NME7: variants seen among roughly 807,000 people sequenced by gnomAD.
The protein encoded by NME7 is nucleoside diphosphate kinase 7.
A neutral mutation model predicts 49.1 loss-of-function variants in NME7; 41 were observed. The ratio of observed to expected loss-of-function variants is 0.83; its 90% CI spans 0.65 to 1.08. The LOEUF (loss-of-function observed/expected upper bound fraction) is 1.08, where lower values mean the gene tolerates loss of function less well. Ranked by LOEUF, NME7 falls within the 50% of genes least tolerant of loss-of-function variation. The probability of loss-of-function intolerance (pLI) is 0.00; values close to 1 mark genes in which losing one functional copy is unlikely to be tolerated. For synonymous variants in NME7, 139 were observed against 150.6 expected (o/e 0.92, Z 0.56); for missense variants, 423 against 463.4 (o/e 0.91, Z 0.80).
chr1:169,208,973 T>C (rs1176921550), intron 10 of NME7, among the ~76,000 whole-genome samples: 1 of 152,072 alleles, frequency 6.6e-6, no homozygotes, highest in Non-Finnish European at 1.5e-5. Flanking sequence ...TTTTAGTCAA[T>C]TAATTCCATC....
chr1:169,367,541 T>C (rs973117146), intron 1 of NME7, among the ~76,000 whole-genome samples, 167 bp downstream of exon 1: 1 of 152,002 alleles, frequency 6.6e-6, no homozygotes, highest in East Asian at 1.9e-4. Flanking sequence ...CTGTAAGAAA[T>C]ACGGAGAGCG....
chr1:169,341,777 A>AT (rs1652712823), intron 1 of NME7, among the ~76,000 whole-genome samples: 2 of 152,184 alleles, frequency 1.3e-5, no homozygotes, highest in East Asian at 1.9e-4. Flanking sequence ...TTAAAAAAAA[A>AT]TTTTTTTAAC....
rs1354836246 is a variant in NME7, at chr1:169,258,403, TATAC to T, written c.755-20720_755-20717del. Among the ~76,000 whole-genome samples the T allele has an allele frequency of 6.2e-3, 422 of 68,598 alleles. 30 individuals are homozygous for T. The East Asian group carries it at 0.12, about 19-fold the overall frequency. 45.0% of individuals were successfully genotyped at this position (68,598 alleles called of 152,430 possible). On this transcript the variant is annotated intron_variant, in intron 7 of 11. Transcript: ENST00000367811. ...ATATATATATATATATATATATATA[TATAC>T]ACACACACACACACACATACACACA...
intron 7 of NME7, among the ~76,000 whole-genome samples, chr1:169,239,928 G>A (rs1401509043): frequency 6.6e-6 from 1 of 151,990 alleles, no homozygotes; most frequent in Non-Finnish European, 1.5e-5. Context: ...AAGGACTTAT[G>A]GACCATATAC....
intron 11 of NME7, among the ~76,000 whole-genome samples, chr1:169,157,655 C>A (rs74900834): frequency 0.011 from 1,695 of 152,268 alleles, 22 homozygotes; most frequent in African/African-American, 0.038. Context: ...GACTGGAGTT[C>A]CGTTGGAAGT....
At chr1:169,278,562 A>G (rs1295074726) in intron 7 of NME7, among the ~76,000 whole-genome samples, 1 of 151,938 alleles carries the variant, frequency 6.6e-6, no homozygotes, top group African/African-American at 2.4e-5. Flanking sequence ...ACTTCTCTGT[A>G]TTGGTTATTC....
chr1:169,367,632 C>T, intron 1 of NME7, 76 bp downstream of exon 1: 1 of 1,569,080 alleles, frequency 6.4e-7, no homozygotes, highest in East Asian at 2.2e-5. Flanking sequence ...ACTTTAAGTG[C>T]CCATCCGCCC....
At chr1:169,305,718 C>G (rs1459632877) in intron 4 of NME7, among the ~76,000 whole-genome samples, 2 of 152,118 alleles carry the variant, frequency 1.3e-5, no homozygotes, top group Non-Finnish European at 2.9e-5. Context: ...GTGATGCCAC[C>G]CTCTAGATAC....
intron 6 of NME7, among the ~76,000 whole-genome samples, chr1:169,293,863 A>G (rs1650609694): frequency 6.6e-6 from 1 of 152,142 alleles, no homozygotes; most frequent in South Asian, 2.1e-4. Flanking sequence ...TCTCTAAAAT[A>G]AATATTTATA....
At chr1:169,344,500 G>C (rs1320988319) in intron 1 of NME7, among the ~76,000 whole-genome samples, 1 of 152,144 alleles carries the variant, frequency 6.6e-6, no homozygotes, top group Non-Finnish European at 1.5e-5. Flanking sequence ...ATTTAAATAT[G>C]TTGCTAGCTG....
chr1:169,180,842 G>C (rs1257881112), intron 10 of NME7, among the ~76,000 whole-genome samples: 2 of 152,090 alleles, frequency 1.3e-5, no homozygotes, highest in Non-Finnish European at 2.9e-5. Context: ...TCCTGGGTGT[G>C]TATTTTGTGT....
At chr1:169,147,140 A>C (rs1658780053) in intron 11 of NME7, among the ~76,000 whole-genome samples, 1 of 152,198 alleles carries the variant, frequency 6.6e-6, no homozygotes, top group Non-Finnish European at 1.5e-5. Flanking sequence ...TTAAGGAATA[A>C]ATAACTTTAT....
chr1:169,148,399 C>G (rs1658820639), intron 11 of NME7, among the ~76,000 whole-genome samples: 1 of 152,186 alleles, frequency 6.6e-6, no homozygotes, highest in South Asian at 2.1e-4. Context: ...GACTAGTCTT[C>G]TGTTTCCTCT....
At chr1:169,167,151 A>G (rs9804101) in intron 11 of NME7, among the ~76,000 whole-genome samples, 16,530 of 152,176 alleles carry the variant, frequency 0.11, 955 homozygotes, top group East Asian at 0.17. Context: ...TAAATGAGAA[A>G]GAACAATGAA....
chr1:169,215,163 AG>A (rs1293382827), intron 10 of NME7, among the ~76,000 whole-genome samples: 3 of 152,088 alleles, frequency 2.0e-5, no homozygotes, highest in African/African-American at 7.2e-5. Context: ...CCCTGAAGTC[AG>A]GTTGCCTCTC....
At chr1:169,219,900 T>C (rs1047206996) in intron 10 of NME7, among the ~76,000 whole-genome samples, 9 of 152,210 alleles carry the variant, frequency 5.9e-5, no homozygotes, top group Admixed American at 5.2e-4. Context: ...TATTCTGAAA[T>C]GCGTTCCAAT....
intron 10 of NME7, among the ~76,000 whole-genome samples, chr1:169,218,659 ATTT>A (rs34342694): frequency 8.5e-6 from 1 of 118,174 alleles, no homozygotes; most frequent in Non-Finnish European, 1.7e-5. Context: ...CCAATTTTGA[ATTT>A]TTTTTTTTTT....
At chr1:169,364,204 T>G (rs1032800301) in intron 1 of NME7, among the ~76,000 whole-genome samples, 1 of 152,196 alleles carries the variant, frequency 6.6e-6, no homozygotes. Context: ...AACATAAGCA[T>G]GAATTCCTCC....
intron 8 of NME7, among the ~76,000 whole-genome samples, chr1:169,237,315 A>G (rs1341284380): frequency 2.6e-5 from 4 of 152,108 alleles, no homozygotes; most frequent in Non-Finnish European, 4.4e-5. Flanking sequence ...CTTTTTGTTT[A>G]TAAGAACAAA....
Sources: allele counts gnomAD v4.1 joint callset (sites outside exome capture counted in the v4.1 genomes callset), GRCh38; gene constraint gnomAD v4.1.1; transcripts MANE v1.5; gene names NCBI Gene and HGNC (gene_info 2026-07-23, HGNC 2026-07-21).